Variants in GALNT18 observed in about 807,000 individuals in gnomAD.
The protein encoded by GALNT18 is GalNAc-transferase 18.
A neutral mutation model predicts 69.5 loss-of-function variants in GALNT18; 44 were observed. The ratio of observed to expected loss-of-function variants is 0.63; its 90% CI spans 0.50 to 0.81. GALNT18 has a LOEUF of 0.81. GALNT18 is among the 40% of genes least tolerant of loss of function. The probability of loss-of-function intolerance (pLI) is 0.00; values close to 1 mark genes in which losing one functional copy is unlikely to be tolerated. For missense variants in GALNT18, 715 were observed against 810.0 expected (o/e 0.88, Z 1.42); for synonymous variants, 364 against 318.2 (o/e 1.14, Z -1.53).
intron 1 of GALNT18, among the ~76,000 whole-genome samples, chr11:11,449,235 T>C (rs993366663): frequency 6.6e-6 from 1 of 152,154 alleles, no homozygotes; most frequent in Admixed American, 6.5e-5. Context: ...ACCCCCTTTT[T>C]CCCCAGTCTG....
At chr11:11,272,173 C>T (rs1848841588) in intron 10 of GALNT18, among the ~76,000 whole-genome samples, 2 of 152,204 alleles carry the variant, frequency 1.3e-5, no homozygotes, top group Admixed American at 1.3e-4. Context: ...CCCCCAGAAC[C>T]TACTCCTGTA....
At chr11:11,588,072 C>T (rs992522442) in intron 1 of GALNT18, among the ~76,000 whole-genome samples, 1 of 152,088 alleles carries the variant, frequency 6.6e-6, no homozygotes, top group Non-Finnish European at 1.5e-5. Flanking sequence ...TTTCAGTGCT[C>T]AGTTCAAATA....
intron 1 of GALNT18, among the ~76,000 whole-genome samples, chr11:11,553,882 T>C (rs1284471911): frequency 1.3e-5 from 2 of 152,104 alleles, no homozygotes; most frequent in Non-Finnish European, 1.5e-5. Flanking sequence ...TCTTAGAAAA[T>C]GCATGGGCAC....
rs1053036351 is a variant in GALNT18, at chr11:11,621,824, T to C, written c.-231A>G. The C allele has an allele frequency of 1.8e-6, 1 of 562,884 alleles. No individual in the cohort carries two copies. Among genetic ancestry groups the C allele is most frequent in the Non-Finnish European group, 3.2e-6 (1 of 316,380 alleles). The allele number at this position is 562,884 out of a possible 1,614,324, so 34.9% of individuals were successfully genotyped here. A position where few individuals can be genotyped will look rare whatever the true frequency, so the allele number is the denominator to read the frequency against. On this transcript the variant is annotated 5_prime_UTR_variant, in exon 1 of 11. Transcript: ENST00000227756. This position sits in a 1 kb window ranked among gnomAD's most constrained non-coding sequence, Gnocchi z 9.3. ...CTTGACAAAGGAAACCAGGTGGATT[T>C]TTTTCCAAATTAAAAATCCCTGAAC... is the stretch of plus-strand genomic sequence containing the variant.
intron 2 of GALNT18, among the ~76,000 whole-genome samples, chr11:11,445,726 C>T (rs114483698): frequency 0.025 from 3,735 of 152,280 alleles, 150 homozygotes; most frequent in African/African-American, 0.085. Flanking sequence ...TGAGGAGGCT[C>T]TGCTCTGCCT....
chr11:11,348,322 G>T (rs1219713871), intron 6 of GALNT18, among the ~76,000 whole-genome samples: 1 of 149,408 alleles, frequency 6.7e-6, no homozygotes, highest in African/African-American at 2.5e-5. Flanking sequence ...AGATTGCAGT[G>T]AGCCAAGATC....
intron 9 of GALNT18, among the ~76,000 whole-genome samples, chr11:11,323,181 G>T (rs1175270225): frequency 2.0e-5 from 3 of 152,148 alleles, no homozygotes; most frequent in Admixed American, 6.5e-5. Context: ...AGCCCCAAAG[G>T]TCTTAACTCA....
intron 1 of GALNT18, among the ~76,000 whole-genome samples, chr11:11,452,464 G>A (rs528886493): frequency 6.6e-6 from 1 of 152,332 alleles, no homozygotes; most frequent in South Asian, 2.1e-4. Context: ...CAGCCCTATC[G>A]GGCCGCCGGA....
intron 3 of GALNT18, among the ~76,000 whole-genome samples, chr11:11,392,541 C>T (rs1331484222): frequency 1.3e-5 from 2 of 152,194 alleles, no homozygotes; most frequent in Non-Finnish European, 2.9e-5. Flanking sequence ...ATCGCTTGAA[C>T]CCAGGAGGCG....
chr11:11,285,122 C>T (rs1271203118), intron 10 of GALNT18, among the ~76,000 whole-genome samples: 1 of 151,844 alleles, frequency 6.6e-6, no homozygotes, highest in East Asian at 1.9e-4. Flanking sequence ...GGGATCCAGC[C>T]AGTCCACACA....
At position 11,591,522 on chromosome 11, in the gene GALNT18, G is replaced by A. The variant is rs1338919287; in HGVS notation, c.235+29837C>T. On this transcript the variant is annotated intron_variant, in intron 1 of 10. Coordinates refer to ENST00000227756, the MANE Select transcript of GALNT18 (RefSeq NM_198516.3). The surrounding 1 kb of genome is among the most constrained non-coding windows in gnomAD (Gnocchi z 4.8). ...TTCCAATTTTATAGGCAAGTGGGGA[G>A]GGAGACCATAACAGCCTCCATTTCT... Among the ~76,000 whole-genome samples, 1 of 152,100 alleles carries A rather than the reference G, an allele frequency of 6.6e-6. No individual in the cohort carries two copies. The highest frequency in any genetic ancestry group is 1.5e-5 in the Non-Finnish European group (1 of 68,040).
At position 11,547,146 on chromosome 11, in the gene GALNT18, G is replaced by A. The variant is rs554835779; in HGVS notation, c.235+74213C>T. Among the ~76,000 whole-genome samples, 3 of 152,282 alleles carry A rather than the reference G, an allele frequency of 2.0e-5. No homozygotes were observed. In the South Asian group the frequency reaches 6.2e-4, roughly 32 times the overall value. Reference sequence around the variant, plus strand: ...TTAGCCTTGTGCATACACATAGTAGGTGCACAACAAATGACAGCCACTGCT... The same window carrying A: ...TTAGCCTTGTGCATACACATAGTAGATGCACAACAAATGACAGCCACTGCT... On this transcript the variant is annotated intron_variant, in intron 1 of 10. Transcript: ENST00000227756.
rs564674595 is a variant in GALNT18 at position 11,297,769 on chromosome 11, C to T, written c.1513-4576G>A. Reference sequence around the variant, plus strand: ...CCCCGGGGCAGAGAAACGTCATCCCCGCCCACTCAGCTCCTCCTCAGCTGC... The same window carrying T: ...CCCCGGGGCAGAGAAACGTCATCCCTGCCCACTCAGCTCCTCCTCAGCTGC... On this transcript the variant is annotated intron_variant, in intron 9 of 10. Transcript: ENST00000227756. Among the ~76,000 whole-genome samples the T allele has an allele frequency of 8.5e-5, 13 of 152,292 alleles. No homozygotes were observed. In the East Asian group the frequency reaches 1.9e-3, roughly 23 times the overall value.
chr11:11,442,206 G>A (rs976360117), intron 2 of GALNT18, among the ~76,000 whole-genome samples: 2 of 152,128 alleles, frequency 1.3e-5, no homozygotes, highest in African/African-American at 4.8e-5. Context: ...ATCAGTGGCC[G>A]ATGAAGTCTT....
At chr11:11,416,494 C>T (rs1565029) in intron 3 of GALNT18, among the ~76,000 whole-genome samples, 66,502 of 152,046 alleles carry the variant, frequency 0.44, 17,496 homozygotes, top group African/African-American at 0.72. Context: ...CTCATGTAAA[C>T]TCTGAGCCCC....
In GALNT18 at chr11:11,614,224, G is replaced by T. The variant is rs143851679; in HGVS notation, c.235+7135C>A. On this transcript the variant is annotated intron_variant, in intron 1 of 10. Coordinates refer to ENST00000227756, the MANE Select transcript of GALNT18 (RefSeq NM_198516.3). This position sits in a 1 kb window ranked among gnomAD's most constrained non-coding sequence, Gnocchi z 5.6. ...TGGCTCATAGTTCTGCAAGCTGTTC[G>T]AAGTCCAGCATCTGCTAGGCTCCTG... 6.6e-6 allele frequency among the ~76,000 whole-genome samples: 1 copy of T among 152,014 alleles called. No individual in the cohort carries two copies.
chr11:11,534,958 G>A (rs1353201136), intron 1 of GALNT18, among the ~76,000 whole-genome samples: 1 of 152,224 alleles, frequency 6.6e-6, no homozygotes, highest in Non-Finnish European at 1.5e-5. Flanking sequence ...GACGCCATGG[G>A]GCAGGGAGCC....
At chr11:11,316,267 A>T (rs1849751038) in intron 9 of GALNT18, among the ~76,000 whole-genome samples, 1 of 152,166 alleles carries the variant, frequency 6.6e-6, no homozygotes. Flanking sequence ...TGGTATTCTT[A>T]TTTATTTATA....
intron 10 of GALNT18, 48 bp downstream of exon 10, chr11:11,292,981 T>C (rs759051779): frequency 7.5e-7 from 1 of 1,338,348 alleles, no homozygotes; most frequent in Admixed American, 3.0e-5. Flanking sequence ...GCCACTCTCC[T>C]GGTTTTCCAC....
Sources: allele counts gnomAD v4.1 joint callset (sites outside exome capture counted in the v4.1 genomes callset), GRCh38; gene constraint gnomAD v4.1.1; non-coding constraint Gnocchi (gnomAD v3.1); transcripts MANE v1.5; gene names NCBI Gene and HGNC (gene_info 2026-07-23, HGNC 2026-07-21).